ENTREP2: variants seen among roughly 807,000 people sequenced by gnomAD.
ENTREP2 encodes endosomal transmembrane epsin interactor 2, also known as protein ENTREP2.
the ENTREP2 span, among the ~76,000 whole-genome samples, chr15:29,338,323 G>C: frequency 2.0e-4 from 30 of 151,558 alleles, 1 homozygote; most frequent in African/African-American, 6.6e-4. Context: ...CAGCTCAGGA[G>C]GCTGAGGCAG....
chr15:29,307,301 A>C, the ENTREP2 span, among the ~76,000 whole-genome samples: 1 of 146,392 alleles, frequency 6.8e-6, no homozygotes, highest in Non-Finnish European at 1.5e-5. Flanking sequence ...AAAAAAAAAA[A>C]CCTGAAGTCA....
the ENTREP2 span, among the ~76,000 whole-genome samples, chr15:29,182,113 A>G: frequency 6.6e-6 from 1 of 151,996 alleles, no homozygotes; most frequent in Non-Finnish European, 1.5e-5. Context: ...AAAAAATTTA[A>G]AGTAAAAAAA....
At chr15:29,171,837 C>G in the ENTREP2 span, among the ~76,000 whole-genome samples, 1 of 152,160 alleles carries the variant, frequency 6.6e-6, no homozygotes, top group Non-Finnish European at 1.5e-5. Flanking sequence ...ATGTGATGTG[C>G]TATCAAAAAG....
chr15:29,500,248 C>T, the ENTREP2 span, among the ~76,000 whole-genome samples: 2 of 152,030 alleles, frequency 1.3e-5, no homozygotes, highest in South Asian at 4.2e-4. Flanking sequence ...AACCAATCAA[C>T]TTGACATCTA....
chr15:29,330,586 C>T, the ENTREP2 span, among the ~76,000 whole-genome samples: 1 of 152,082 alleles, frequency 6.6e-6, no homozygotes, highest in African/African-American at 2.4e-5. Context: ...TCAACACTGT[C>T]GAGGTCATAC....
chr15:29,234,009 G>A, the ENTREP2 span: 1 of 1,494,004 alleles, frequency 6.7e-7, no homozygotes, highest in Non-Finnish European at 9.3e-7. Flanking sequence ...ATATCTGATT[G>A]ACTTGTTCCA....
At chr15:29,517,911 C>T in the ENTREP2 span, among the ~76,000 whole-genome samples, 1 of 152,152 alleles carries the variant, frequency 6.6e-6, no homozygotes, top group Non-Finnish European at 1.5e-5. Context: ...ATGTCCATTA[C>T]CTCACATAGC....
chr15:29,316,593 C>T, the ENTREP2 span, among the ~76,000 whole-genome samples: 1 of 152,060 alleles, frequency 6.6e-6, no homozygotes, highest in South Asian at 2.1e-4. Context: ...TTTCTTCATC[C>T]AAGGGAGAAG....
the ENTREP2 span, among the ~76,000 whole-genome samples, chr15:29,572,945 T>A: frequency 6.6e-6 from 1 of 151,234 alleles, no homozygotes; most frequent in African/African-American, 2.4e-5. Context: ...GTTCAGAGGC[T>A]GTTACTGTCA....
chr15:29,378,249 G>A, the ENTREP2 span, among the ~76,000 whole-genome samples: 2 of 146,976 alleles, frequency 1.4e-5, no homozygotes, highest in Non-Finnish European at 3.0e-5. Context: ...ACTCTTGCCA[G>A]GACTGTTGTG....
At chr15:29,218,186 G>C in the ENTREP2 span, among the ~76,000 whole-genome samples, 1 of 152,288 alleles carries the variant, frequency 6.6e-6, no homozygotes, top group East Asian at 1.9e-4. Context: ...AGGGTTCTTA[G>C]CTTTGGTGGT....
At chr15:29,171,269 T>C in the ENTREP2 span, among the ~76,000 whole-genome samples, 4 of 152,194 alleles carry the variant, frequency 2.6e-5, no homozygotes. Flanking sequence ...TTTTCTATCT[T>C]CTATCATTAA....
chr15:29,653,715 TTATA>T, the ENTREP2 span, among the ~76,000 whole-genome samples: 1 of 152,324 alleles, frequency 6.6e-6, no homozygotes, highest in East Asian at 1.9e-4. Flanking sequence ...CCTCTTTCCT[TTATA>T]AGTTACCCAG....
At chr15:29,518,761 A>G in the ENTREP2 span, among the ~76,000 whole-genome samples, 1 of 152,226 alleles carries the variant, frequency 6.6e-6, no homozygotes, top group Non-Finnish European at 1.5e-5. Context: ...CTGGAAAACC[A>G]AACTAGTGAC....
chr15:29,342,590 C>T, the ENTREP2 span, among the ~76,000 whole-genome samples: 2 of 152,136 alleles, frequency 1.3e-5, no homozygotes, highest in Non-Finnish European at 1.5e-5. Flanking sequence ...GGGCATTTTA[C>T]ACTCCTCTTA....
the ENTREP2 span, among the ~76,000 whole-genome samples, chr15:29,413,017 C>G: frequency 6.6e-6 from 1 of 151,922 alleles, no homozygotes; most frequent in African/African-American, 2.4e-5. Flanking sequence ...ATTACAATTT[C>G]TTCTTTGATT....
At chr15:29,402,811 C>G in the ENTREP2 span, among the ~76,000 whole-genome samples, 1 of 152,306 alleles carries the variant, frequency 6.6e-6, no homozygotes, top group Non-Finnish European at 1.5e-5. Flanking sequence ...CTTTATTTTT[C>G]TGTTTCCCAT....
the ENTREP2 span, among the ~76,000 whole-genome samples, chr15:29,407,515 C>A: frequency 6.6e-6 from 1 of 152,114 alleles, no homozygotes; most frequent in East Asian, 1.9e-4. Flanking sequence ...AAAACAGAGG[C>A]TCTAGCCCAG....
chr15:29,138,613 G>C, the ENTREP2 span, among the ~76,000 whole-genome samples: 1 of 128,098 alleles, frequency 7.8e-6, no homozygotes, highest in East Asian at 2.3e-4. Context: ...GTGTGTGTTT[G>C]TATGTATGTG....
Sources: allele counts gnomAD v4.1 joint callset (sites outside exome capture counted in the v4.1 genomes callset), GRCh38; gene constraint gnomAD v4.1.1; transcripts MANE v1.5; gene names NCBI Gene and HGNC (gene_info 2026-07-23, HGNC 2026-07-21).